Variants in MYRIP observed in about 807,000 individuals in gnomAD.
MYRIP encodes the protein rab effector MyRIP.
A neutral mutation model predicts 98.0 loss-of-function variants in MYRIP; 49 were observed. The ratio of observed to expected loss-of-function variants is 0.50; its 90% CI spans 0.40 to 0.63. The LOEUF is 0.63. MYRIP is among the 30% of genes least tolerant of loss of function. MYRIP has a pLI of 0.00. For synonymous variants in MYRIP, 404 were observed against 409.5 expected, an observed-to-expected ratio of 0.99 and a Z score of 0.16; for missense variants, 1,004 against 1,058.2, an observed-to-expected ratio of 0.95 and a Z score of 0.71.
intron 2 of MYRIP, among the ~76,000 whole-genome samples, chr3:39,970,584 G>A (rs1033144055): frequency 1.3e-5 from 2 of 152,012 alleles, no homozygotes; most frequent in Non-Finnish European, 2.9e-5. Flanking sequence ...AACAAAATTA[G>A]TAAACTACCC....
chr3:39,865,182 C>T (rs1212921969), intron 1 of MYRIP, among the ~76,000 whole-genome samples: 1 of 152,152 alleles, frequency 6.6e-6, no homozygotes, highest in Non-Finnish European at 1.5e-5. Flanking sequence ...AAATGTAAAA[C>T]TGAAAACTAT....
In MYRIP at chr3:40,176,921, AAAAAG is replaced by A. The variant is rs1559435695; in HGVS notation, c.874-5284_874-5280del. Among the ~76,000 whole-genome samples the A allele has an allele frequency of 1.2e-4, 18 of 145,324 alleles. 2 individuals carry two copies. The highest frequency in any genetic ancestry group is 1.1e-3 in the Admixed American group (15 of 13,890). On this transcript the variant is annotated intron_variant, in intron 8 of 16. Transcript: ENST00000302541. ...CAAACTCCATCTCAAAAAAAAAAAA[AAAAAG>A]AAAAGAAAAGAAAATTAGCTGGGCA...
intron 3 of MYRIP, among the ~76,000 whole-genome samples, chr3:40,091,065 C>T (rs190293079): frequency 3.4e-4 from 52 of 152,336 alleles, no homozygotes; most frequent in African/African-American, 9.9e-4. Context: ...CAGCCCTCTG[C>T]GCATCAAAGA....
chr3:39,902,309 G>A (rs1403847617), intron 2 of MYRIP, among the ~76,000 whole-genome samples: 1 of 152,222 alleles, frequency 6.6e-6, no homozygotes, highest in Non-Finnish European at 1.5e-5. Flanking sequence ...CATGGAAAAG[G>A]TCACCAGAAC....
intron 3 of MYRIP, among the ~76,000 whole-genome samples, chr3:40,100,873 T>C (rs1948932321): frequency 1.3e-5 from 2 of 152,232 alleles, no homozygotes; most frequent in African/African-American, 2.4e-5. Flanking sequence ...CTTAGGGTCC[T>C]GAAGCTAAAA....
At chr3:39,850,099 G>A (rs945916373) in intron 1 of MYRIP, among the ~76,000 whole-genome samples, 1 of 152,178 alleles carries the variant, frequency 6.6e-6, no homozygotes, top group Non-Finnish European at 1.5e-5. Flanking sequence ...ACAGGGAGTC[G>A]AGTAGAGGAC....
intron 2 of MYRIP, among the ~76,000 whole-genome samples, chr3:40,004,180 A>T (rs2125788584): frequency 6.6e-6 from 1 of 152,268 alleles, no homozygotes; most frequent in Admixed American, 6.5e-5. Context: ...AAAGCATTAC[A>T]TTTTTTACCT....
intron 3 of MYRIP, among the ~76,000 whole-genome samples, chr3:40,132,569 C>G (rs920053826): frequency 6.6e-6 from 1 of 152,246 alleles, no homozygotes; most frequent in Non-Finnish European, 1.5e-5. Flanking sequence ...GGGCCCTGAG[C>G]TAGACCAGGT....
At chr3:39,884,181 A>C (rs777423486) in intron 1 of MYRIP, among the ~76,000 whole-genome samples, 2 of 152,028 alleles carry the variant, frequency 1.3e-5, no homozygotes, top group Non-Finnish European at 2.9e-5. Flanking sequence ...CTAAAGTGCT[A>C]AAAGGAAACA....
At chr3:39,892,451 T>C (rs1943511320) in intron 1 of MYRIP, among the ~76,000 whole-genome samples, 2 of 152,206 alleles carry the variant, frequency 1.3e-5, no homozygotes, top group African/African-American at 4.8e-5. Context: ...GGGTTCAGTG[T>C]GGACTAAGTT....
intron 1 of MYRIP, among the ~76,000 whole-genome samples, chr3:39,875,741 G>A (rs1942970824): frequency 6.6e-6 from 1 of 151,236 alleles, no homozygotes; most frequent in Non-Finnish European, 1.5e-5. Flanking sequence ...TACATTTGCT[G>A]AGGAGAGCTT....
intron 2 of MYRIP, among the ~76,000 whole-genome samples, chr3:39,989,709 C>A (rs1270074913): frequency 6.6e-6 from 1 of 152,230 alleles, no homozygotes; most frequent in Non-Finnish European, 1.5e-5. Flanking sequence ...CCTTGAGTCC[C>A]TGGCTGAAGT....
chr3:39,912,908 C>T (rs1944058199), intron 2 of MYRIP, among the ~76,000 whole-genome samples: 1 of 152,160 alleles, frequency 6.6e-6, no homozygotes, highest in South Asian at 2.1e-4. Context: ...GGTGTGGTGG[C>T]ATGCACCTGT....
chr3:39,998,022 T>C (rs1946412941), intron 2 of MYRIP, among the ~76,000 whole-genome samples: 1 of 152,192 alleles, frequency 6.6e-6, no homozygotes, highest in Non-Finnish European at 1.5e-5. Context: ...TAGGTATTGA[T>C]GGGACGTATC....
At chr3:40,130,616 G>A (rs1433382643) in intron 3 of MYRIP, among the ~76,000 whole-genome samples, 2 of 151,632 alleles carry the variant, frequency 1.3e-5, no homozygotes, top group African/African-American at 2.4e-5. Context: ...TCCTGACCTC[G>A]TGATCCGCCC....
chr3:39,977,155 C>T (rs1288794309), intron 2 of MYRIP, among the ~76,000 whole-genome samples: 2 of 151,720 alleles, frequency 1.3e-5, no homozygotes, highest in Non-Finnish European at 2.9e-5. Flanking sequence ...GTAAGCAAAA[C>T]TGCCCACTTC....
At chr3:39,942,904 G>A (rs953769267) in intron 2 of MYRIP, among the ~76,000 whole-genome samples, 2 of 152,108 alleles carry the variant, frequency 1.3e-5, no homozygotes, top group Non-Finnish European at 2.9e-5. Flanking sequence ...ATGAGTGAGT[G>A]CATGCAACAT....
At chr3:40,154,722 C>G (rs1393066008) in intron 4 of MYRIP, among the ~76,000 whole-genome samples, 1 of 152,078 alleles carries the variant, frequency 6.6e-6, no homozygotes, top group Non-Finnish European at 1.5e-5. Context: ...TTGACAAGCC[C>G]CAGGATGCAT....
chr3:40,134,644 G>C (rs1247056281), intron 3 of MYRIP, among the ~76,000 whole-genome samples: 1 of 152,232 alleles, frequency 6.6e-6, no homozygotes, highest in Non-Finnish European at 1.5e-5. Flanking sequence ...AGTAGGGGCG[G>C]ACTGATGCCT....
Sources: gnomAD v4.1 joint callset for allele counts (sites outside exome capture counted in the v4.1 genomes callset) on GRCh38, gnomAD v4.1.1 for gene constraint, MANE v1.5 for transcripts, NCBI Gene and HGNC (gene_info 2026-07-23, HGNC 2026-07-21) for gene names.